CACNA1B: variants seen among roughly 807,000 people sequenced by gnomAD.
CACNA1B encodes voltage-dependent N-type calcium channel subunit alpha-1B.
In CACNA1B, 70 loss-of-function variants were observed where a neutral mutation model predicts 247.2. That is an observed-to-expected ratio of 0.28 (90% confidence interval 0.23 to 0.35). The LOEUF is 0.35. Among genes scored for constraint, CACNA1B ranks in the 10% least tolerant of loss-of-function variants. CACNA1B has a pLI of 1.00. For synonymous variants in CACNA1B, 1,231 were observed against 1,294.4 expected, an observed-to-expected ratio of 0.95 and a Z score of 1.05; for missense variants, 2,367 against 3,197.4, an observed-to-expected ratio of 0.74 and a Z score of 6.26.
Position 137,917,143 on chromosome 9 carries a change from C to T in CACNA1B, c.776-98C>T. The T allele has an allele frequency of 9.1e-7, 1 of 1,102,092 alleles. No individual in the cohort carries two copies. The highest frequency in any genetic ancestry group is 2.1e-4 in the Middle Eastern group (1 of 4,756). 68.3% of individuals were successfully genotyped at this position (1,102,092 alleles called of 1,614,324 possible). On this transcript the variant is annotated intron_variant, in intron 5 of 46. Transcript: ENST00000371372. The surrounding 1 kb of genome is among the most constrained non-coding windows in gnomAD (Gnocchi z 5.5). ...GTTTCTGTTGGTGGCTGGTTCCTGC[C>T]CACCTGCTGTGAGCTCTCCAGAGCC...
chr9:137,984,731 G>A (rs1306052799), intron 13 of CACNA1B, among the ~76,000 whole-genome samples: 2 of 152,200 alleles, frequency 1.3e-5, no homozygotes, highest in Non-Finnish European at 2.9e-5. Flanking sequence ...TGGCCCCTGT[G>A]CTCAGGCCTG....
At chr9:138,023,932 T>C in intron 19 of CACNA1B, 121 bp downstream of exon 19, 2 of 607,566 alleles carry the variant, frequency 3.3e-6, no homozygotes, top group South Asian at 3.9e-5. Flanking sequence ...CGCTGCCATG[T>C]CCAGAGCCGT....
Position 137,914,298 on chromosome 9 carries a change from T to C in CACNA1B, c.623-356T>C, listed in dbSNP as rs1957388020. On this transcript the variant is annotated intron_variant, in intron 4 of 46. Transcript: ENST00000371372. This position sits in a 1 kb window ranked among gnomAD's most constrained non-coding sequence, Gnocchi z 4.3. ...TTGGCTCTTCCTTCTCAGGATTTCA[T>C]TCTCTTTCCTCTCAGGATTCTCTGT... 6.6e-6 allele frequency among the ~76,000 whole-genome samples: 1 copy of C among 152,112 alleles called. No homozygotes were observed. The highest frequency in any genetic ancestry group is 1.5e-5 in the Non-Finnish European group (1 of 68,006).
rs554890903 is a variant in CACNA1B, at chr9:137,913,301, GCTTGGAGTAACAACCTC to G, written c.622+33_622+49del. On this transcript the variant is annotated intron_variant, in intron 4 of 46. Coordinates refer to ENST00000371372, the MANE Select transcript of CACNA1B (RefSeq NM_000718.4). The surrounding 1 kb of genome is among the most constrained non-coding windows in gnomAD (Gnocchi z 5.2). Reference sequence around the variant, plus strand: ...GTCCAGCGAAGACAGGCCCAAGCCGGCTTGGAGTAACAACCTCCTCTCCTACCCTCACCACGGACATG... The same window carrying G: ...GTCCAGCGAAGACAGGCCCAAGCCGGCTCTCCTACCCTCACCACGGACATG... The G allele has an allele frequency of 2.7e-4, 413 of 1,553,628 alleles. No homozygotes were observed. The highest frequency in any genetic ancestry group is 3.3e-4 in the Non-Finnish European group (376 of 1,125,978).
rs1957964161 is a variant in CACNA1B, at chr9:137,957,609, G to A, written c.1255G>A (p.Ala419Thr). The change falls in exon 10 of 47, where the codon GCG becomes ACG. Residue 419 changes from alanine (A) to threonine (T), a missense_variant. Ala to Thr is a moderately conservative substitution (Grantham distance 58, BLOSUM62 0). Coordinates refer to ENST00000371372, the MANE Select transcript of CACNA1B (RefSeq NM_000718.4). This position sits in a 1 kb window ranked among gnomAD's most constrained non-coding sequence, Gnocchi z 4.7. ...EKSPLDVLKR[A>T]ATKKSRNDLI... ...TTTGTTTAAAGCAGTGCTGAAGAGA[G>A]CGGCCACCAAGAAGAGCAGAAATGA... 1.3e-6 allele frequency: 2 copies of A among 1,595,722 alleles called. No individual in the cohort carries two copies. The highest frequency in any genetic ancestry group is 1.3e-5 in the African/African-American group (1 of 74,598).
chr9:137,892,940 G>A (rs970750710), intron 3 of CACNA1B, among the ~76,000 whole-genome samples: 2 of 152,230 alleles, frequency 1.3e-5, no homozygotes, highest in East Asian at 3.8e-4. Flanking sequence ...CCCAGAGCCC[G>A]ACAGGCCTGA....
chr9:138,058,019 C>A lies in CACNA1B; in HGVS notation c.4107-30C>A. The A allele has an allele frequency of 6.3e-7, 1 of 1,596,184 alleles. No homozygotes were observed. The highest frequency in any genetic ancestry group is 8.6e-7 in the Non-Finnish European group (1 of 1,163,656). On this transcript the variant is annotated intron_variant, in intron 27 of 46. Coordinates refer to ENST00000371372, the MANE Select transcript of CACNA1B (RefSeq NM_000718.4). The surrounding 1 kb of genome is among the most constrained non-coding windows in gnomAD (Gnocchi z 4.7). ...CTTAGGGCTGTCTCCTTTGGGGGTT[C>A]CCCTGACACTTGCTCTCCTCTTTGC... is the stretch of plus-strand genomic sequence containing the variant.
chr9:138,094,998 A>G (rs961428255), intron 36 of CACNA1B, among the ~76,000 whole-genome samples: 1 of 152,240 alleles, frequency 6.6e-6, no homozygotes, highest in Non-Finnish European at 1.5e-5. Flanking sequence ...AGCAAAAATT[A>G]TGAAACTATT....
At chr9:138,067,869 T>C (rs1215552213) in intron 31 of CACNA1B, among the ~76,000 whole-genome samples, 1 of 152,208 alleles carries the variant, frequency 6.6e-6, no homozygotes, top group Admixed American at 6.5e-5. Flanking sequence ...CAGAGGCATT[T>C]TCACACAAGT....
chr9:138,015,174 G>A (rs117099573), intron 18 of CACNA1B, among the ~76,000 whole-genome samples: 3,193 of 152,236 alleles, frequency 0.021, 52 homozygotes, highest in South Asian at 0.057. Flanking sequence ...AGGGGCAGCC[G>A]GCCCAAGCCA....
intron 18 of CACNA1B, among the ~76,000 whole-genome samples, chr9:138,022,538 G>A (rs1364658194): frequency 6.6e-6 from 1 of 152,044 alleles, no homozygotes; most frequent in African/African-American, 2.4e-5. Context: ...CGCGTGTCCC[G>A]CCCTTCCTGT....
At position 138,053,841 on chromosome 9, in the gene CACNA1B, T is replaced by C; in HGVS notation, c.3808-5T>C. The C allele has an allele frequency of 6.6e-7, 1 of 1,523,156 alleles. No homozygotes were observed. Among genetic ancestry groups the C allele is most frequent in the East Asian group, 2.6e-5 (1 of 38,838 alleles). 94.4% of individuals were successfully genotyped at this position (1,523,156 alleles called of 1,614,324 possible). ...CTCATCATGGCTCCACCCCTCCTCC[T>C]GCAGGCTGTGTTTGACTGTGTGGTG... is the stretch of plus-strand genomic sequence containing the variant. On this transcript the variant is annotated splice_region_variant and splice_polypyrimidine_tract_variant and intron_variant, in intron 25 of 46. Transcript: ENST00000371372.
At position 138,007,027 on chromosome 9, in the gene CACNA1B, A is replaced by C; in HGVS notation, c.2092+143A>C. 1 of 552,630 alleles carries C rather than the reference A, an allele frequency of 1.8e-6. No homozygotes were observed. The highest frequency in any genetic ancestry group is 3.4e-6 in the Non-Finnish European group (1 of 294,486). 34.2% of individuals were successfully genotyped at this position (552,630 alleles called of 1,614,324 possible). ...TCAGAGCTGAGTGCAGATGGAGAAC[A>C]TTCTGCAGGTGGCCGGAGCGCAGGG... On this transcript the variant is annotated intron_variant, in intron 16 of 46. Transcript: ENST00000371372. This position sits in a 1 kb window ranked among gnomAD's most constrained non-coding sequence, Gnocchi z 4.1.
rs1959253722 is a variant in CACNA1B at position 138,050,960 on chromosome 9, T to A, written c.3711-1132T>A. On this transcript the variant is annotated intron_variant, in intron 24 of 46. Transcript: ENST00000371372. The surrounding 1 kb of genome is among the most constrained non-coding windows in gnomAD (Gnocchi z 5.2). ...ACTCTCCCTGCTCAGCCCCAAGTGT[T>A]GCTGGAGCCCCAGGAAGAGCACAGG... Among the ~76,000 whole-genome samples the A allele has an allele frequency of 6.6e-6, 1 of 152,090 alleles. No homozygotes were observed. Among genetic ancestry groups the A allele is most frequent in the African/African-American group, 2.4e-5 (1 of 41,396 alleles).
intron 37 of CACNA1B, among the ~76,000 whole-genome samples, chr9:138,097,666 A>C (rs950021548): frequency 6.6e-6 from 1 of 152,058 alleles, no homozygotes; most frequent in Non-Finnish European, 1.5e-5. Flanking sequence ...GGTGCCACCG[A>C]GGCCTGCCTT....
At chr9:138,016,450 G>A (rs543509341) in intron 18 of CACNA1B, among the ~76,000 whole-genome samples, 19 of 152,376 alleles carry the variant, frequency 1.2e-4, no homozygotes, top group African/African-American at 4.3e-4. Flanking sequence ...GTGGGTTGGC[G>A]TGTGGCTTGA....
chr9:137,976,718 C>G (rs1210432431), intron 12 of CACNA1B, among the ~76,000 whole-genome samples: 3 of 139,042 alleles, frequency 2.2e-5, no homozygotes, highest in African/African-American at 8.3e-5. Context: ...TAGGGGAAGC[C>G]TTGGAGGCAG....
At chr9:137,947,659 T>C (rs552831929) in intron 6 of CACNA1B, among the ~76,000 whole-genome samples, 10 of 152,248 alleles carry the variant, frequency 6.6e-5, no homozygotes, top group African/African-American at 1.9e-4. Flanking sequence ...GTTTCCCTAG[T>C]TTTTCATTTG....
intron 6 of CACNA1B, among the ~76,000 whole-genome samples, chr9:137,920,972 A>G (rs948076685): frequency 4.6e-5 from 7 of 152,360 alleles, no homozygotes; most frequent in Non-Finnish European, 5.9e-5. Context: ...AAAACTTTAG[A>G]TAACTATTTT....
Sources: allele counts gnomAD v4.1 joint callset (sites outside exome capture counted in the v4.1 genomes callset), GRCh38; gene constraint gnomAD v4.1.1; non-coding constraint Gnocchi (gnomAD v3.1); transcripts MANE v1.5; gene names NCBI Gene and HGNC (gene_info 2026-07-23, HGNC 2026-07-21).